NKX3-2: variants seen among roughly 807,000 people sequenced by gnomAD.
The protein encoded by NKX3-2 is homeobox protein Nkx-3.2.
Under a neutral mutation model 19.4 loss-of-function variants are expected in NKX3-2, and 13 were observed. The observed-to-expected ratio is 0.67, with a 90% CI of 0.44 to 1.07. NKX3-2 has a LOEUF of 1.07. Among genes scored for constraint, NKX3-2 ranks in the 50% least tolerant of loss-of-function variants. The pLI is 0.00. For synonymous variants in NKX3-2, 269 were observed against 230.5 expected (o/e 1.17, Z -1.51); for missense variants, 562 against 488.2 (o/e 1.15, Z -1.42).
chr4:13,547,484 C>T (rs1385638320), upstream of NKX3-2: 1 of 252,066 alleles, frequency 4.0e-6, no homozygotes, highest in Non-Finnish European at 7.7e-6. Context: ...AGCGTCCGCG[C>T]CTCTCTACCC....
upstream of NKX3-2, chr4:13,547,217 G>A (rs763738885): frequency 1.3e-5 from 6 of 456,228 alleles, no homozygotes; most frequent in Non-Finnish European, 2.2e-5. Flanking sequence ...CAGGCCCAGA[G>A]TGGCGGTGTG....
rs1186897841 is a variant in NKX3-2, at chr4:13,543,052, G to A, written c.467-524C>T. Among the ~76,000 whole-genome samples, 1 of 152,016 alleles carries A rather than the reference G, an allele frequency of 6.6e-6. No individual in the cohort carries two copies. The highest frequency in any genetic ancestry group is 2.4e-5 in the African/African-American group (1 of 41,404). On this transcript the variant is annotated intron_variant, in intron 1 of 1. Coordinates refer to ENST00000382438, the MANE Select transcript of NKX3-2 (RefSeq NM_001189.4). The surrounding 1 kb of genome is among the most constrained non-coding windows in gnomAD (Gnocchi z 7.1). ...TATTTAGAATCTTTCACCCTCAGCC[G>A]CCTGGGATTGCTGTGAGAGACATGG...
upstream of NKX3-2, chr4:13,544,963 G>A (rs1718093482): frequency 6.6e-6 from 1 of 152,194 alleles, no homozygotes; most frequent in Admixed American, 6.5e-5. Context: ...TCCGAGAGGC[G>A]CGGGGAACTT....
chr4:13,542,204 C>T lies in NKX3-2; in HGVS notation c.791G>A (p.Arg264Gln). 1.9e-6 allele frequency: 3 copies of T among 1,610,596 alleles called. No homozygotes were observed. The highest frequency in any genetic ancestry group is 1.7e-6 in the Non-Finnish European group (2 of 1,178,796). Reference protein sequence around the residue: ...FQNRRYKTKRRQMAADLLASA... With the variant: ...FQNRRYKTKRQQMAADLLASA... ...GGCCAGCAGGTCGGCTGCCATCTGC[C>T]GGCGCTTTGTCTTGTAGCGACGGTT... The change falls in exon 2 of 2, where the codon CGG becomes CAG. Residue 264 changes from arginine (R) to glutamine (Q), a missense_variant. Physicochemically the swap from Arg to Gln is conservative, Grantham distance 43 (BLOSUM62 1). Transcript: ENST00000382438. The surrounding 1 kb of genome is among the most constrained non-coding windows in gnomAD (Gnocchi z 6.4).
chr4:13,547,356 G>A (rs1341939494), upstream of NKX3-2: 1 of 405,926 alleles, frequency 2.5e-6, no homozygotes, highest in Admixed American at 2.7e-5. Flanking sequence ...TGAGCTCCAG[G>A]AACTCTGCAA....
In NKX3-2 at chr4:13,544,169, C is replaced by G. The variant is rs552084314; in HGVS notation, c.246G>C (p.Gly82=). 31 of 1,604,338 alleles carry G rather than the reference C, an allele frequency of 1.9e-5. No homozygotes were observed. In the East Asian group the frequency reaches 6.3e-4, roughly 32 times the overall value. The part of the protein sequence containing the change: ...ASPAGTRTAA[G]RTAESPEGWD... ...AGCCTTCCGGGCTCTCCGCAGTCCG[C>G]CCCGCAGCTGTTCTGGTACCGGCAG... Residue 82 remains glycine (G), a synonymous_variant, in exon 1 of 2, where the codon GGG becomes GGC. Transcript: ENST00000382438.
rs374854852 is a variant in NKX3-2 at position 13,544,191 on chromosome 4, G to A, written c.224C>T (p.Ala75Val). The A allele has an allele frequency of 3.7e-5, 60 of 1,602,218 alleles. No individual in the cohort carries two copies. The East Asian group carries it at 7.0e-4, about 19-fold the overall frequency. ...CCGCCCCGCAGCTGTTCTGGTACCG[G>A]CAGGAGACGCCAGCAGAGAGTCCTC... ...GAEDSLLASPAGTRTAAGRTA... is the reference protein window; with the variant it reads ...GAEDSLLASPVGTRTAAGRTA... The change falls in exon 1 of 2, where the codon GCC (alanine) becomes GTC (valine). Residue 75 changes from alanine to valine, a missense_variant. By Grantham distance (64) the Ala-to-Val change is moderately conservative. Coordinates refer to ENST00000382438, the MANE Select transcript of NKX3-2 (RefSeq NM_001189.4).
Position 13,544,367 on chromosome 4 carries a change from C to A in NKX3-2, c.48G>T (p.Ala16=). 1.9e-6 allele frequency: 3 copies of A among 1,550,556 alleles called. No homozygotes were observed. Among genetic ancestry groups the A allele is most frequent in the Non-Finnish European group, 1.7e-6 (2 of 1,157,650 alleles). The part of the protein sequence containing the change: ...ANTLTSFSIQ[A]ILNKKEERGG... ...CGCGCTCCTCTTTCTTGTTGAGGATCGCCTGGATGGAGAAGGACGTCAAGG... is the reference window on the plus strand; with the variant it reads ...CGCGCTCCTCTTTCTTGTTGAGGATAGCCTGGATGGAGAAGGACGTCAAGG... Residue 16 remains alanine, a synonymous_variant, in exon 1 of 2, where the codon GCG becomes GCT. Transcript: ENST00000382438.
At position 13,542,287 on chromosome 4, in the gene NKX3-2, G is replaced by A. The variant is rs1443544613; in HGVS notation, c.708C>T (p.Arg236=). Residue 236 remains arginine, a synonymous_variant, in exon 2 of 2, where the codon CGC becomes CGT. Coordinates refer to ENST00000382438, the MANE Select transcript of NKX3-2 (RefSeq NM_001189.4). The surrounding 1 kb of genome is among the most constrained non-coding windows in gnomAD (Gnocchi z 6.4). ...NHQRYLSGPE[R]ADLAASLKLT... ...GCTTCAGCGACGCGGCCAGGTCTGC[G>A]CGCTCGGGCCCGGACAGGTAGCGCT... The A allele has an allele frequency of 6.2e-7, 1 of 1,609,214 alleles. No individual in the cohort carries two copies. Among genetic ancestry groups the A allele is most frequent in the Admixed American group, 1.7e-5 (1 of 59,700 alleles).
At position 13,542,169 on chromosome 4, in the gene NKX3-2, C is replaced by T. The variant is rs1343939865; in HGVS notation, c.826G>A (p.Ala276Thr). Residue 276 changes from alanine to threonine, a missense_variant, in exon 2 of 2, where the codon GCC becomes ACC. Transcript: ENST00000382438. This position sits in a 1 kb window ranked among gnomAD's most constrained non-coding sequence, Gnocchi z 6.4. ...ACCTTTACGGCCACCTTCTTGGCGGCGGGCGCCGAGGCCAGCAGGTCGGCT... is the reference window on the plus strand; with the variant it reads ...ACCTTTACGGCCACCTTCTTGGCGGTGGGCGCCGAGGCCAGCAGGTCGGCT... ...MAADLLASAP[A>T]AKKVAVKVLV... The T allele has an allele frequency of 1.2e-6, 2 of 1,608,480 alleles. No homozygotes were observed. The highest frequency in any genetic ancestry group is 1.7e-6 in the Non-Finnish European group (2 of 1,177,778).
In NKX3-2 at chr4:13,543,971, G is replaced by T. The variant is rs867214108; in HGVS notation, c.444C>A (p.Ser148Arg). Reference protein sequence around the residue: ...LEEEAAGRSDSEMSASVSGDR... With the variant: ...LEEEAAGRSDREMSASVSGDR... ...GACCTGAGACGCTGGCGGACATCTC[G>T]CTGTCGCTCCGGCCCGCGGCTTCCT... Residue 148 changes from serine (S) to arginine (R), a missense_variant, in exon 1 of 2, where the codon AGC becomes AGA. Coordinates refer to ENST00000382438, the MANE Select transcript of NKX3-2 (RefSeq NM_001189.4). The surrounding 1 kb of genome is among the most constrained non-coding windows in gnomAD (Gnocchi z 7.1). 2 of 1,553,210 alleles carry T rather than the reference G, an allele frequency of 1.3e-6. No individual in the cohort carries two copies. The highest frequency in any genetic ancestry group is 1.9e-5 in the Admixed American group (1 of 53,386).
chr4:13,547,186 T>A (rs1482607816), upstream of NKX3-2: 2 of 456,262 alleles, frequency 4.4e-6, no homozygotes, highest in Non-Finnish European at 8.8e-6. Context: ...CCCAGAGATA[T>A]CCCGGCGTAA....
rs751517920 is a variant in NKX3-2 at position 13,542,470 on chromosome 4, G to A, written c.525C>T (p.Ser175=). ...DGVGPRGAHV[S]ALCSGAGGGG... ...CGCCGCCGGCCCCGCTGCACAGCGC[G>A]GACACGTGTGCACCTCTGGGGCCAA... Residue 175 remains serine (S), a synonymous_variant, in exon 2 of 2, where the codon TCC becomes TCT. Transcript: ENST00000382438. The surrounding 1 kb of genome is among the most constrained non-coding windows in gnomAD (Gnocchi z 6.4). 1.7e-5 allele frequency: 27 copies of A among 1,595,884 alleles called. No individual in the cohort carries two copies. Among genetic ancestry groups the A allele is most frequent in the Non-Finnish European group, 2.3e-5 (27 of 1,179,154 alleles).
chr4:13,544,068 GC>G lies in NKX3-2; in HGVS notation c.346del (p.Ala116ProfsTer8). On this transcript the variant is annotated frameshift_variant, in exon 1 of 2. Coordinates refer to ENST00000382438, the MANE Select transcript of NKX3-2 (RefSeq NM_001189.4). LOFTEE classifies it high-confidence loss of function. ...RCADARGASG[A>X]GLAGGSLSLG... ...GCTCAAGGATCCCCCCGCAAGGCCG[GC>G]CCCGCTGGCCCCCCGCGCGTCCGCG... 1 of 1,575,080 alleles carries G rather than the reference GC, an allele frequency of 6.3e-7. No individual in the cohort carries two copies.
Position 13,542,548 on chromosome 4 carries a change from C to A in NKX3-2, c.467-20G>T. ...GGTCGCCTGCGGACCCCGGTGGGAA[C>A]AGAAACAAGAGACTGTCAGCGCCAC... is the stretch of plus-strand genomic sequence containing the variant. On this transcript the variant is annotated intron_variant, in intron 1 of 1. Coordinates refer to ENST00000382438, the MANE Select transcript of NKX3-2 (RefSeq NM_001189.4). The surrounding 1 kb of genome is among the most constrained non-coding windows in gnomAD (Gnocchi z 6.4). The A allele has an allele frequency of 6.3e-7, 1 of 1,596,282 alleles. No homozygotes were observed. Among genetic ancestry groups the A allele is most frequent in the Non-Finnish European group, 8.5e-7 (1 of 1,179,590 alleles).
chr4:13,545,352 G>A (rs1718109415), upstream of NKX3-2, among the ~76,000 whole-genome samples: 1 of 152,220 alleles, frequency 6.6e-6, no homozygotes, highest in African/African-American at 2.4e-5. Context: ...ACTAAGTTGA[G>A]TCAAATCTGC....
chr4:13,546,996 C>A (rs1464485999), upstream of NKX3-2: 1 of 456,152 alleles, frequency 2.2e-6, no homozygotes, highest in African/African-American at 2.0e-5. Context: ...CTGGTGTCAT[C>A]TCGGGCCATT....
upstream of NKX3-2, chr4:13,544,511 G>A (rs1281778869): frequency 3.6e-5 from 31 of 857,948 alleles, no homozygotes; most frequent in Non-Finnish European, 4.5e-5. Context: ...GCGCGAGTGA[G>A]CTGGGTGTGC....
chr4:13,545,353 TC>T (rs1409419978), upstream of NKX3-2, among the ~76,000 whole-genome samples: 1 of 152,238 alleles, frequency 6.6e-6, no homozygotes, highest in Non-Finnish European at 1.5e-5. Flanking sequence ...CTAAGTTGAG[TC>T]AAATCTGCGG....
Sources: allele counts gnomAD v4.1 joint callset (sites outside exome capture counted in the v4.1 genomes callset), GRCh38; gene constraint gnomAD v4.1.1; non-coding constraint Gnocchi (gnomAD v3.1); transcripts MANE v1.5; gene names NCBI Gene and HGNC (gene_info 2026-07-23, HGNC 2026-07-21).